The following HAAO variants were observed in gnomAD, a reference collection of about 807,000 sequenced individuals.
The protein encoded by HAAO is 3-hydroxyanthranilate 3,4-dioxygenase.
In HAAO, 49 loss-of-function variants were observed where a neutral mutation model predicts 46.2. The observed-to-expected ratio is 1.06, with a 90% CI of 0.84 to 1.34. The LOEUF (loss-of-function observed/expected upper bound fraction) is 1.34, where lower values mean the gene tolerates loss of function less well. Among genes scored for constraint, HAAO ranks in the 40% most tolerant of loss-of-function variants. HAAO has a pLI of 0.00. For synonymous variants in HAAO, 157 were observed against 145.2 expected, an observed-to-expected ratio of 1.08 and a Z score of -0.58; for missense variants, 408 against 364.5, an observed-to-expected ratio of 1.12 and a Z score of -0.97.
chr2:42,787,193 G>A (rs1672454120), intron 2 of HAAO, among the ~76,000 whole-genome samples: 1 of 152,218 alleles, frequency 6.6e-6, no homozygotes, highest in Non-Finnish European at 1.5e-5. Flanking sequence ...CAGGACGTGA[G>A]CTGCTGGCCA....
intron 6 of HAAO, 75 bp downstream of exon 6, chr2:42,770,068 G>A: frequency 7.1e-7 from 1 of 1,411,370 alleles, no homozygotes. Flanking sequence ...AGACTCCCCG[G>A]TCCCCTGGAC....
At chr2:42,773,884 C>A (rs1671342149) in intron 4 of HAAO, among the ~76,000 whole-genome samples, 1 of 152,178 alleles carries the variant, frequency 6.6e-6, no homozygotes, top group South Asian at 2.1e-4. Flanking sequence ...GCCACTGCGC[C>A]CGGCTACCTG....
At position 42,791,609 on chromosome 2, in the gene HAAO, C is replaced by T. The variant is rs980282008; in HGVS notation, c.80+848G>A. Reference sequence around the variant, plus strand: ...ACTAGAAAAGTTACTTATGAAAATCCCCCCTCACGGTGCTACTGTGAGAAT... The same window carrying T: ...ACTAGAAAAGTTACTTATGAAAATCTCCCCTCACGGTGCTACTGTGAGAAT... On this transcript the variant is annotated intron_variant, in intron 1 of 9. Transcript: ENST00000294973. Among the ~76,000 whole-genome samples the T allele has an allele frequency of 5.9e-5, 9 of 152,244 alleles. No homozygotes were observed. In the East Asian group the frequency reaches 1.2e-3, roughly 20 times the overall value.
chr2:42,768,423 T>C (rs1670834658), intron 7 of HAAO, among the ~76,000 whole-genome samples: 1 of 152,148 alleles, frequency 6.6e-6, no homozygotes, highest in Non-Finnish European at 1.5e-5. Flanking sequence ...TATTCATTAA[T>C]GTAAACTGAA....
Position 42,788,762 on chromosome 2 carries a change from G to C in HAAO, c.81-155C>G, listed in dbSNP as rs3816185. Among the ~76,000 whole-genome samples, 6 of 152,228 alleles carry C rather than the reference G, an allele frequency of 3.9e-5. No individual in the cohort carries two copies. The East Asian group carries it at 9.7e-4, about 25-fold the overall frequency. On this transcript the variant is annotated intron_variant, in intron 1 of 9. Transcript: ENST00000294973. ...TCCCTGTTCCCCAACTCTCATCCCC[G>C]GTTCATGCCTGCGTGCATCTAAGTG...
chr2:42,770,008 T>C (rs1660905391), intron 6 of HAAO, 135 bp downstream of exon 6: 6 of 1,120,826 alleles, frequency 5.4e-6, no homozygotes, highest in Non-Finnish European at 5.2e-6. Context: ...GAGGTACCAT[T>C]GGCTGCCATC....
intron 2 of HAAO, among the ~76,000 whole-genome samples, chr2:42,784,651 C>T (rs948524900): frequency 1.3e-5 from 2 of 152,082 alleles, no homozygotes; most frequent in East Asian, 3.9e-4. Flanking sequence ...TTCTCTCCAC[C>T]AGTCACACAT....
At chr2:42,769,681 AGGATGCCCC>A (rs1433853652) in intron 7 of HAAO, 23 bp downstream of exon 7, 1 of 1,571,932 alleles carries the variant, frequency 6.4e-7, no homozygotes, top group Non-Finnish European at 8.6e-7. Flanking sequence ...CTGCTGTGGG[AGGATGCCCC>A]GGATGCCCCA....
At chr2:42,769,592 T>TGA (rs1670936338) in intron 7 of HAAO, 121 bp downstream of exon 7, 8 of 682,656 alleles carry the variant, frequency 1.2e-5, no homozygotes, top group Middle Eastern at 3.1e-4. Context: ...TGTGTGTGTG[T>TGA]GTGTGTGTGT....
At chr2:42,788,931 C>T (rs928206966) in intron 1 of HAAO, 4 of 340,642 alleles carry the variant, frequency 1.2e-5, no homozygotes, top group African/African-American at 6.3e-5. Flanking sequence ...TCTCGAATTA[C>T]AGGAGAGTAG....
chr2:42,767,403 A>G lies in HAAO; in HGVS notation c.*34T>C. 1 of 1,517,422 alleles carries G rather than the reference A, an allele frequency of 6.6e-7. No individual in the cohort carries two copies. Among genetic ancestry groups the G allele is most frequent in the South Asian group, 1.1e-5 (1 of 87,868 alleles). The allele number at this position is 1,517,422 out of a possible 1,614,324, so 94.0% of individuals were successfully genotyped here. A position where few individuals can be genotyped will look rare whatever the true frequency, so the allele number is the denominator to read the frequency against. ...GGGATGGCACTCGAGGGTGCTTGGC[A>G]CACCTGTGGCTGCTTCAGGCCATGG... On this transcript the variant is annotated 3_prime_UTR_variant, in exon 10 of 10. Transcript: ENST00000294973.
intron 2 of HAAO, among the ~76,000 whole-genome samples, chr2:42,785,589 C>T (rs1250243957): frequency 6.6e-6 from 1 of 152,194 alleles, no homozygotes; most frequent in South Asian, 2.1e-4. Flanking sequence ...ACCCATAGGC[C>T]GGATGTGGAG....
At chr2:42,773,440 T>C (rs1573911046) in intron 4 of HAAO, among the ~76,000 whole-genome samples, 1 of 151,972 alleles carries the variant, frequency 6.6e-6, no homozygotes, top group African/African-American at 2.4e-5. Context: ...GGGAGGTGGG[T>C]GTGACTTTGG....
intron 2 of HAAO, among the ~76,000 whole-genome samples, chr2:42,785,847 G>C (rs985351173): frequency 3.9e-5 from 6 of 152,154 alleles, no homozygotes; most frequent in African/African-American, 1.4e-4. Context: ...GGGTGACAGA[G>C]TGAGACCCCC....
intron 4 of HAAO, among the ~76,000 whole-genome samples, chr2:42,777,539 G>A (rs1671678859): frequency 1.3e-5 from 2 of 152,082 alleles, no homozygotes; most frequent in Non-Finnish European, 2.9e-5. Context: ...AGAGCTTGGA[G>A]GTTAGAAGCA....
intron 5 of HAAO, 138 bp from the exon 6 acceptor site, chr2:42,770,324 G>A (rs1217252778): frequency 4.5e-6 from 4 of 881,622 alleles, no homozygotes; most frequent in African/African-American, 1.7e-5. Context: ...CTGTGTGTCT[G>A]CCATCCTTTC....
chr2:42,778,943 G>A (rs548706908), intron 4 of HAAO, among the ~76,000 whole-genome samples: 1 of 152,128 alleles, frequency 6.6e-6, no homozygotes, highest in African/African-American at 2.4e-5. Flanking sequence ...GTGAAACCTT[G>A]TCTCTACTAG....
chr2:42,774,893 A>G (rs548059820), intron 4 of HAAO, among the ~76,000 whole-genome samples: 1 of 152,070 alleles, frequency 6.6e-6, no homozygotes, highest in Admixed American at 6.6e-5. Flanking sequence ...AGAAGTTCCA[A>G]ATTATGGGAA....
At chr2:42,779,046 G>A (rs1276847867) in intron 4 of HAAO, among the ~76,000 whole-genome samples, 1 of 152,084 alleles carries the variant, frequency 6.6e-6, no homozygotes, top group African/African-American at 2.4e-5. Context: ...CCGGGAGGTG[G>A]AGATTGCAGT....
Sources: gnomAD v4.1 joint callset for allele counts (sites outside exome capture counted in the v4.1 genomes callset) on GRCh38, gnomAD v4.1.1 for gene constraint, MANE v1.5 for transcripts, NCBI Gene and HGNC (gene_info 2026-07-23, HGNC 2026-07-21) for gene names.